Variants in SPAG1 observed in about 807,000 individuals in gnomAD.
The protein encoded by SPAG1 is sperm associated antigen 1.
A neutral mutation model predicts 100.5 loss-of-function variants in SPAG1; 69 were observed. The ratio of observed to expected loss-of-function variants is 0.69; its 90% CI spans 0.57 to 0.84. The LOEUF is 0.84. Among genes scored for constraint, SPAG1 ranks in the 40% least tolerant of loss-of-function variants. The pLI, the probability that SPAG1 is intolerant of heterozygous loss-of-function variation, is 0.00. For synonymous variants in SPAG1, 336 were observed against 411.6 expected, an observed-to-expected ratio of 0.82 and a Z score of 2.22; for missense variants, 955 against 1,133.1, an observed-to-expected ratio of 0.84 and a Z score of 2.26.
intron 3 of SPAG1, among the ~76,000 whole-genome samples, chr8:100,172,658 GTGTGTGTGTA>G (rs1246023985): frequency 1.1e-4 from 16 of 151,584 alleles, no homozygotes; most frequent in African/African-American, 3.6e-4. Context: ...GTGTGTGTGT[GTGTGTGTGTA>G]TGTGTGTGTG....
chr8:100,204,403 T>A (rs191307179), intron 10 of SPAG1, among the ~76,000 whole-genome samples: 3 of 152,198 alleles, frequency 2.0e-5, no homozygotes, highest in Admixed American at 1.3e-4. Context: ...GAATGGATAT[T>A]AAGGGTGTGG....
rs994051078 is a variant in SPAG1, at chr8:100,239,953, T to C, written c.2281-450T>C. ...CTGTGAATCCCTGTACATTCATGAATGCTAATACCCCATTTATAGTCTCAC... is the reference window on the plus strand; with the variant it reads ...CTGTGAATCCCTGTACATTCATGAACGCTAATACCCCATTTATAGTCTCAC... On this transcript the variant is annotated intron_variant, in intron 17 of 18. Coordinates refer to ENST00000388798, the MANE Select transcript of SPAG1 (RefSeq NM_003114.5). This position sits in a 1 kb window ranked among gnomAD's most constrained non-coding sequence, Gnocchi z 5.0. Among the ~76,000 whole-genome samples, 2 of 152,232 alleles carry C rather than the reference T, an allele frequency of 1.3e-5. No homozygotes were observed. The highest frequency in any genetic ancestry group is 2.4e-5 in the African/African-American group (1 of 41,464).
intron 14 of SPAG1, among the ~76,000 whole-genome samples, 187 bp downstream of exon 14, chr8:100,225,526 G>C (rs1030821402): frequency 1.3e-5 from 2 of 152,128 alleles, no homozygotes; most frequent in African/African-American, 4.8e-5. Context: ...CTGGAGTGCA[G>C]TGGTGCGATC....
In SPAG1 at chr8:100,239,445, A is replaced by G; in HGVS notation, c.2280+41A>G. Reference sequence around the variant, plus strand: ...TATCTTTGAAAGTACTCCTTTGGGGACCTTAGACTGGATTCTAAGGTCATA... The same window carrying G: ...TATCTTTGAAAGTACTCCTTTGGGGGCCTTAGACTGGATTCTAAGGTCATA... On this transcript the variant is annotated intron_variant, in intron 17 of 18. Coordinates refer to ENST00000388798, the MANE Select transcript of SPAG1 (RefSeq NM_003114.5). The surrounding 1 kb of genome is among the most constrained non-coding windows in gnomAD (Gnocchi z 5.0). 1 of 1,248,490 alleles carries G rather than the reference A, an allele frequency of 8.0e-7. No individual in the cohort carries two copies. The highest frequency in any genetic ancestry group is 1.2e-6 in the Non-Finnish European group (1 of 859,336). 77.3% of individuals were successfully genotyped at this position (1,248,490 alleles called of 1,614,324 possible). A position where few individuals can be genotyped will look rare whatever the true frequency, so the allele number is the denominator to read the frequency against.
Position 100,165,983 on chromosome 8 carries a change from A to G in SPAG1, c.300+10A>G, listed in dbSNP as rs1815532666. ...TGATGGTGATATAAAGGTATATAGT[A>G]ATACCAATTTTCCATAGATATTGTT... On this transcript the variant is annotated intron_variant, in intron 3 of 18. Transcript: ENST00000388798. 2 of 1,589,614 alleles carry G rather than the reference A, an allele frequency of 1.3e-6. No individual in the cohort carries two copies. The highest frequency in any genetic ancestry group is 2.3e-5 in the South Asian group (2 of 87,472).
At chr8:100,165,712 T>A (rs1815520106) in intron 2 of SPAG1, 102 bp from the exon 3 acceptor site, 1 of 854,956 alleles carries the variant, frequency 1.2e-6, no homozygotes, top group Non-Finnish European at 1.8e-6. Context: ...CCTTGAGATC[T>A]CCACAGAACC....
intron 10 of SPAG1, among the ~76,000 whole-genome samples, chr8:100,195,773 A>G (rs1217702048): frequency 6.6e-6 from 1 of 152,182 alleles, no homozygotes. Context: ...AATTTTATAT[A>G]TAGTAAAAAT....
intron 15 of SPAG1, among the ~76,000 whole-genome samples, chr8:100,231,656 T>C (rs1818771891): frequency 6.6e-6 from 1 of 152,192 alleles, no homozygotes; most frequent in Non-Finnish European, 1.5e-5. Context: ...CAGGAATCAA[T>C]GGCCTTTCAA....
chr8:100,240,330 T>C, intron 17 of SPAG1, 73 bp from the exon 18 acceptor site: 1 of 1,406,292 alleles, frequency 7.1e-7, no homozygotes, highest in Non-Finnish European at 9.6e-7. Flanking sequence ...ATTCTCATTC[T>C]GACAGACGTA....
intron 3 of SPAG1, among the ~76,000 whole-genome samples, chr8:100,168,898 G>T (rs1021439943): frequency 1.6e-4 from 25 of 151,570 alleles, no homozygotes; most frequent in African/African-American, 6.1e-4. Flanking sequence ...TGTTGGTCAG[G>T]CTGGTCTCGA....
intron 9 of SPAG1, among the ~76,000 whole-genome samples, chr8:100,192,511 C>T (rs1816857594): frequency 6.6e-6 from 1 of 152,078 alleles, no homozygotes; most frequent in African/African-American, 2.4e-5. Flanking sequence ...TAGAGATGTC[C>T]AGAAAGAAGG....
chr8:100,199,396 C>A (rs1817168380), intron 10 of SPAG1, among the ~76,000 whole-genome samples: 1 of 152,180 alleles, frequency 6.6e-6, no homozygotes, highest in Non-Finnish European at 1.5e-5. Context: ...TCCCTATGGG[C>A]TATTTCTATA....
intron 3 of SPAG1, among the ~76,000 whole-genome samples, chr8:100,168,647 A>AAGT (rs142100383): frequency 0.17 from 24,996 of 144,796 alleles, 2,388 homozygotes; most frequent in South Asian, 0.22. Flanking sequence ...TGGCCCCTCA[A>AAGT]AGTACTGGGA....
chr8:100,190,099 A>G (rs1816750321), intron 8 of SPAG1, among the ~76,000 whole-genome samples: 1 of 152,170 alleles, frequency 6.6e-6, no homozygotes, highest in African/African-American at 2.4e-5. Context: ...TCACGAGGTC[A>G]GGAGATCGAG....
At chr8:100,171,106 G>A (rs941578478) in intron 3 of SPAG1, among the ~76,000 whole-genome samples, 1 of 152,136 alleles carries the variant, frequency 6.6e-6, no homozygotes, top group Admixed American at 6.6e-5. Context: ...GAGATGAACA[G>A]ATGATTTTCT....
chr8:100,223,603 A>G (rs1317426286), intron 13 of SPAG1, among the ~76,000 whole-genome samples: 2 of 150,718 alleles, frequency 1.3e-5, no homozygotes, highest in African/African-American at 2.4e-5. Flanking sequence ...TTAAATTTAA[A>G]CATCTGTATT....
chr8:100,199,943 A>C (rs1817199722), intron 10 of SPAG1, among the ~76,000 whole-genome samples: 1 of 150,340 alleles, frequency 6.7e-6, no homozygotes, highest in African/African-American at 2.5e-5. Flanking sequence ...GCAGCAACTC[A>C]TTTTGACTTT....
At chr8:100,160,566 G>C (rs1815260848) in intron 1 of SPAG1, among the ~76,000 whole-genome samples, 1 of 149,630 alleles carries the variant, frequency 6.7e-6, no homozygotes, top group Non-Finnish European at 1.5e-5. Context: ...GGAGGAGGTG[G>C]CAGTAAGCCA....
At position 100,220,405 on chromosome 8, in the gene SPAG1, C is replaced by T. The variant is rs1243945198; in HGVS notation, c.1662C>T (p.Leu554=). Residue 554 remains leucine (L), a synonymous_variant, in exon 13 of 19, where the codon CTC becomes CTT. Transcript: ENST00000388798. ...YKTVLQIDCG[L]QLANDSVNRL... Reference sequence around the variant, plus strand: ...CAGTGTTGCAGATAGACTGTGGACTCCAGCTAGCAAATGACAGTGTTAACA... The same window carrying T: ...CAGTGTTGCAGATAGACTGTGGACTTCAGCTAGCAAATGACAGTGTTAACA... 1.9e-6 allele frequency: 3 copies of T among 1,613,066 alleles called. No individual in the cohort carries two copies. The highest frequency in any genetic ancestry group is 1.7e-6 in the Non-Finnish European group (2 of 1,179,698).
Sources: gnomAD v4.1 joint callset for allele counts (sites outside exome capture counted in the v4.1 genomes callset) on GRCh38, gnomAD v4.1.1 for gene constraint, Gnocchi (gnomAD v3.1) non-coding constraint, MANE v1.5 for transcripts, NCBI Gene and HGNC (gene_info 2026-07-23, HGNC 2026-07-21) for gene names.